The following ARMC8 variants were observed in gnomAD, a reference collection of about 807,000 sequenced individuals.
ARMC8 encodes armadillo repeat-containing protein 8.
Under a neutral mutation model 99.3 loss-of-function variants are expected in ARMC8, and 20 were observed. The observed-to-expected ratio is 0.20, with a 90% CI of 0.14 to 0.29. The LOEUF (loss-of-function observed/expected upper bound fraction) is 0.29. Among genes scored for constraint, ARMC8 ranks in the 10% least tolerant of loss-of-function variants. The pLI, the probability that ARMC8 is intolerant of heterozygous loss-of-function variation, is 1.00. For missense variants in ARMC8, 569 were observed against 809.5 expected (o/e 0.70, Z 3.60); for synonymous variants, 263 against 278.3 (o/e 0.95, Z 0.55).
At chr3:138,220,368 T>A (rs993986530) in intron 2 of ARMC8, among the ~76,000 whole-genome samples, 1 of 152,208 alleles carries the variant, frequency 6.6e-6, no homozygotes, top group African/African-American at 2.4e-5. Flanking sequence ...TACTTATTTC[T>A]TGTAAACCAT....
intron 11 of ARMC8, among the ~76,000 whole-genome samples, chr3:138,244,020 G>A (rs1559981141): frequency 6.6e-6 from 1 of 152,112 alleles, no homozygotes; most frequent in African/African-American, 2.4e-5. Flanking sequence ...AAAGTATCCT[G>A]AAAATATGCT....
chr3:138,257,027 TCA>T (rs1170838746), intron 12 of ARMC8, among the ~76,000 whole-genome samples: 2 of 152,212 alleles, frequency 1.3e-5, no homozygotes, highest in Non-Finnish European at 2.9e-5. Context: ...TTTCTGAACT[TCA>T]GAGACCTCAG....
At chr3:138,269,820 C>CTTTTTTTTT (rs77095833) in intron 15 of ARMC8, among the ~76,000 whole-genome samples, 4 of 121,656 alleles carry the variant, frequency 3.3e-5, no homozygotes, top group Non-Finnish European at 5.1e-5. Flanking sequence ...TGTTTTCTTT[C>CTTTTTTTTT]TTTTTTTTTT....
intron 1 of ARMC8, among the ~76,000 whole-genome samples, chr3:138,190,109 T>C (rs1353461478): frequency 2.6e-5 from 4 of 152,126 alleles, no homozygotes; most frequent in Non-Finnish European, 4.4e-5. Flanking sequence ...CTTTTAATTA[T>C]TTTTACTGTC....
chr3:138,289,179 G>A, intron 20 of ARMC8, 59 bp downstream of exon 20: 1 of 1,369,180 alleles, frequency 7.3e-7, no homozygotes, highest in South Asian at 1.2e-5. Flanking sequence ...CTTGCACAGG[G>A]AAGCTAGCAG....
intron 12 of ARMC8, among the ~76,000 whole-genome samples, chr3:138,260,815 G>A (rs1413312248): frequency 6.6e-6 from 1 of 152,178 alleles, no homozygotes; most frequent in Middle Eastern, 3.2e-3. Flanking sequence ...AATGCTAATA[G>A]TATTTCTCAG....
At chr3:138,255,177 C>T (rs990923748) in intron 12 of ARMC8, among the ~76,000 whole-genome samples, 5 of 150,254 alleles carry the variant, frequency 3.3e-5, no homozygotes, top group African/African-American at 1.2e-4. Context: ...GCCTCCCAAA[C>T]ATTGTTCTGT....
At chr3:138,278,238 T>A (rs1373219817) in intron 18 of ARMC8, among the ~76,000 whole-genome samples, 2 of 152,142 alleles carry the variant, frequency 1.3e-5, no homozygotes, top group Non-Finnish European at 2.9e-5. Context: ...CCAGGCACGG[T>A]GGCTCACACC....
intron 7 of ARMC8, among the ~76,000 whole-genome samples, chr3:138,235,931 G>A (rs1038424892): frequency 2.0e-5 from 3 of 147,394 alleles, no homozygotes; most frequent in African/African-American, 5.0e-5. Flanking sequence ...TCAGCCTCCC[G>A]AGTAGCTGGG....
chr3:138,208,470 G>A (rs2044513939), intron 1 of ARMC8, among the ~76,000 whole-genome samples: 1 of 152,172 alleles, frequency 6.6e-6, no homozygotes, highest in South Asian at 2.1e-4. Flanking sequence ...TCGTCTCAGG[G>A]GAGGGGGGAA....
intron 18 of ARMC8, among the ~76,000 whole-genome samples, chr3:138,279,101 G>A (rs1413641725): frequency 1.3e-5 from 2 of 152,144 alleles, no homozygotes; most frequent in Non-Finnish European, 2.9e-5. Flanking sequence ...CCCAATATTA[G>A]AGAAAAGCAC....
chr3:138,286,322 CTCT>C (rs1314758555), intron 19 of ARMC8, among the ~76,000 whole-genome samples: 1 of 152,138 alleles, frequency 6.6e-6, no homozygotes, highest in Non-Finnish European at 1.5e-5. Context: ...TTTTAACCTC[CTCT>C]GTTTCACCTC....
chr3:138,223,052 G>A (rs1043701758), intron 3 of ARMC8, among the ~76,000 whole-genome samples: 2 of 152,182 alleles, frequency 1.3e-5, no homozygotes, highest in African/African-American at 4.8e-5. Context: ...GCAGCACATG[G>A]CATTTGAGAG....
intron 1 of ARMC8, among the ~76,000 whole-genome samples, chr3:138,196,708 T>TA (rs958022659): frequency 9.3e-5 from 14 of 151,004 alleles, no homozygotes; most frequent in East Asian, 2.0e-4. Flanking sequence ...CTACTAAAAA[T>TA]AAAAAAAAAT....
intron 1 of ARMC8, among the ~76,000 whole-genome samples, chr3:138,199,667 C>A (rs559466958): frequency 6.6e-6 from 1 of 152,254 alleles, no homozygotes; most frequent in African/African-American, 2.4e-5. Context: ...GAGAACACAA[C>A]CAGAACGAAG....
At chr3:138,283,820 C>A (rs1229472631) in intron 18 of ARMC8, among the ~76,000 whole-genome samples, 1 of 152,196 alleles carries the variant, frequency 6.6e-6, no homozygotes, top group Admixed American at 6.5e-5. Flanking sequence ...TCACATTAGA[C>A]CAGCCTGGAC....
intron 12 of ARMC8, among the ~76,000 whole-genome samples, chr3:138,247,588 C>T (rs1410619454): frequency 1.3e-5 from 2 of 151,978 alleles, no homozygotes; most frequent in Admixed American, 1.3e-4. Flanking sequence ...CCTATTATGG[C>T]CAGTTAAGGA....
intron 12 of ARMC8, among the ~76,000 whole-genome samples, chr3:138,254,944 G>A (rs1442364795): frequency 1.3e-5 from 2 of 152,102 alleles, no homozygotes; most frequent in Non-Finnish European, 2.9e-5. Flanking sequence ...TTAAGAATGG[G>A]CCCACAATAT....
At chr3:138,210,732 T>C (rs2044647073) in intron 2 of ARMC8, among the ~76,000 whole-genome samples, 1 of 152,210 alleles carries the variant, frequency 6.6e-6, no homozygotes, top group Non-Finnish European at 1.5e-5. Flanking sequence ...AATAGTACTT[T>C]AACTTGTGCT....
Sources: gnomAD v4.1 joint callset for allele counts (sites outside exome capture counted in the v4.1 genomes callset) on GRCh38, gnomAD v4.1.1 for gene constraint, MANE v1.5 for transcripts, NCBI Gene and HGNC (gene_info 2026-07-23, HGNC 2026-07-21) for gene names.